SPECC1: variants seen among roughly 807,000 people sequenced by gnomAD.
SPECC1 encodes the protein sperm antigen with calponin homology and coiled-coil domains 1, also known as cytospin-B.
In SPECC1, 62 loss-of-function variants were observed where a neutral mutation model predicts 104.1. The ratio of observed to expected loss-of-function variants is 0.60; its 90% CI spans 0.49 to 0.74. The LOEUF is 0.74. Among genes scored for constraint, SPECC1 ranks in the 30% least tolerant of loss-of-function variants. The probability of loss-of-function intolerance (pLI) is 0.00; values close to 1 mark genes in which losing one functional copy is unlikely to be tolerated. For synonymous variants in SPECC1, 513 were observed against 501.6 expected (o/e 1.02, Z -0.30); for missense variants, 1,306 against 1,310.5 (o/e 1.00, Z 0.05).
chr17:20,278,872 CAG>C (rs2040664260), intron 12 of SPECC1, among the ~76,000 whole-genome samples: 1 of 152,152 alleles, frequency 6.6e-6, no homozygotes, highest in Non-Finnish European at 1.5e-5. Context: ...GAAGGAAAAA[CAG>C]GATTTTCAAA....
chr17:20,044,939 GTGTT>G (rs1348768472), intron 1 of SPECC1, among the ~76,000 whole-genome samples: 1 of 152,234 alleles, frequency 6.6e-6, no homozygotes, highest in East Asian at 1.9e-4. Context: ...TGTGCTGTGT[GTGTT>G]TATGATGAAT....
At chr17:20,077,911 G>C (rs1035175447) in intron 1 of SPECC1, among the ~76,000 whole-genome samples, 7 of 151,864 alleles carry the variant, frequency 4.6e-5, no homozygotes, top group Non-Finnish European at 1.0e-4. Flanking sequence ...TGTAAAATGG[G>C]GATAAAATTA....
chr17:20,173,818 G>C (rs2034268317), intron 3 of SPECC1, among the ~76,000 whole-genome samples: 2 of 152,068 alleles, frequency 1.3e-5, no homozygotes, highest in Admixed American at 1.3e-4. Flanking sequence ...TAACATTTTG[G>C]GCCTGAGTTC....
At chr17:20,213,335 C>T (rs2037280631) in intron 4 of SPECC1, among the ~76,000 whole-genome samples, 1 of 152,158 alleles carries the variant, frequency 6.6e-6, no homozygotes, top group Non-Finnish European at 1.5e-5. Flanking sequence ...TGATGATCCT[C>T]CCACACCTCA....
intron 4 of SPECC1, among the ~76,000 whole-genome samples, chr17:20,221,334 C>T (rs1251519099): frequency 6.6e-6 from 1 of 151,986 alleles, no homozygotes; most frequent in South Asian, 2.1e-4. Context: ...GCTTTTATCT[C>T]GTTACTTGTT....
intron 1 of SPECC1, among the ~76,000 whole-genome samples, chr17:20,015,583 T>TC (rs2044088263): frequency 8.2e-6 from 1 of 122,040 alleles, no homozygotes; most frequent in African/African-American, 3.1e-5. Flanking sequence ...TCCGGGTCTC[T>TC]ATTTTTTTTT....
At chr17:20,049,783 A>G (rs1030533109) in intron 1 of SPECC1, among the ~76,000 whole-genome samples, 9 of 151,714 alleles carry the variant, frequency 5.9e-5, no homozygotes, top group African/African-American at 1.9e-4. Flanking sequence ...TCTGCTAATT[A>G]TACTATTTTC....
intron 1 of SPECC1, among the ~76,000 whole-genome samples, chr17:20,031,075 A>G (rs1281377631): frequency 6.6e-6 from 1 of 152,102 alleles, no homozygotes; most frequent in Non-Finnish European, 1.5e-5. Flanking sequence ...ACTCACTGCA[A>G]TCTCTGCCTC....
intron 3 of SPECC1, among the ~76,000 whole-genome samples, chr17:20,180,500 TCTAC>T (rs2034803209): frequency 6.6e-6 from 1 of 152,212 alleles, no homozygotes. Flanking sequence ...AGAAACATAT[TCTAC>T]TAAGAGATGC....
chr17:20,195,835 A>T (rs1358821392), intron 3 of SPECC1, among the ~76,000 whole-genome samples: 2 of 152,168 alleles, frequency 1.3e-5, no homozygotes, highest in Non-Finnish European at 2.9e-5. Context: ...GATTCTCATA[A>T]ACTTTTTATA....
intron 3 of SPECC1, among the ~76,000 whole-genome samples, chr17:20,138,722 AT>A (rs1361065780): frequency 6.6e-6 from 1 of 152,196 alleles, no homozygotes; most frequent in Non-Finnish European, 1.5e-5. Flanking sequence ...TTAGCACTGA[AT>A]AATATTCCAT....
rs959990802 is a variant in SPECC1 at position 20,127,744 on chromosome 17, C to A, written c.283+17182C>A. Among the ~76,000 whole-genome samples the A allele has an allele frequency of 4.6e-5, 7 of 151,888 alleles. 1 individual carries two copies. The South Asian group carries it at 1.5e-3, about 32-fold the overall frequency. ...TTCTATGTATTTTGTTTTTGTTGTTCTCATTGTTACTTTAGTGCCTGTTGG... is the reference window on the plus strand; with the variant it reads ...TTCTATGTATTTTGTTTTTGTTGTTATCATTGTTACTTTAGTGCCTGTTGG... On this transcript the variant is annotated intron_variant, in intron 3 of 14. Transcript: ENST00000395527.
At chr17:20,172,115 C>T (rs905126959) in intron 3 of SPECC1, among the ~76,000 whole-genome samples, 6 of 152,228 alleles carry the variant, frequency 3.9e-5, no homozygotes, top group East Asian at 3.9e-4. Flanking sequence ...TGTCACTGCA[C>T]AAGCATGTGG....
rs2042020035 is a variant in SPECC1 at position 20,314,944 on chromosome 17, C to T, written c.*879C>T. The T allele has an allele frequency of 4.3e-6, 1 of 232,562 alleles. No homozygotes were observed. 14.4% of individuals were successfully genotyped at this position (232,562 alleles called of 1,614,324 possible). ...AGTCCCTGGGAGGTGCCCCACACCT[C>T]TGCCACCAAAGTCTGTGTGCTCCTG... On this transcript the variant is annotated 3_prime_UTR_variant, in exon 15 of 15. Transcript: ENST00000395527.
intron 3 of SPECC1, among the ~76,000 whole-genome samples, chr17:20,203,224 G>GAGTT (rs770117194): frequency 2.0e-5 from 3 of 149,808 alleles, no homozygotes; most frequent in Non-Finnish European, 2.9e-5. Context: ...AAAGCATGTA[G>GAGTT]AGTTGTGTAA....
chr17:20,040,166 C>A (rs1450188443), intron 1 of SPECC1, among the ~76,000 whole-genome samples: 2 of 150,604 alleles, frequency 1.3e-5, no homozygotes, highest in African/African-American at 4.9e-5. Flanking sequence ...TATATATATA[C>A]ACACACATAT....
intron 1 of SPECC1, among the ~76,000 whole-genome samples, chr17:20,091,782 G>A (rs892976448): frequency 2.0e-5 from 3 of 152,150 alleles, no homozygotes; most frequent in Non-Finnish European, 4.4e-5. Context: ...AGTGCTTATT[G>A]TGCTTGTAGC....
At chr17:20,298,921 A>AGAGAGAGAGAGAG (rs1555535542) in intron 13 of SPECC1, among the ~76,000 whole-genome samples, 2 of 72,792 alleles carry the variant, frequency 2.7e-5, no homozygotes, top group African/African-American at 6.6e-5. Context: ...GCAGAACCAA[A>AGAGAGAGAGAGAG]AGAGAGAGAG....
intron 12 of SPECC1, among the ~76,000 whole-genome samples, chr17:20,294,381 G>A (rs2041271841): frequency 6.6e-6 from 1 of 152,196 alleles, no homozygotes; most frequent in Non-Finnish European, 1.5e-5. Flanking sequence ...GCAGCCTCAT[G>A]CTCCCTGCTT....
Sources: gnomAD v4.1 joint callset for allele counts (sites outside exome capture counted in the v4.1 genomes callset) on GRCh38, gnomAD v4.1.1 for gene constraint, MANE v1.5 for transcripts, NCBI Gene and HGNC (gene_info 2026-07-23, HGNC 2026-07-21) for gene names.